Variants in RMI1 observed in about 807,000 individuals in gnomAD.
RMI1 encodes the protein RecQ mediated genome instability 1, also known as recQ-mediated genome instability protein 1.
In RMI1, 36 loss-of-function variants were observed where a neutral mutation model predicts 46.7. That is an observed-to-expected ratio of 0.77 (90% CI 0.59 to 1.02). The LOEUF is 1.02. Among genes scored for constraint, RMI1 ranks in the 50% least tolerant of loss-of-function variants. The pLI, the probability that RMI1 is intolerant of heterozygous loss-of-function variation, is 0.00. For synonymous variants in RMI1, 250 were observed against 252.9 expected, an observed-to-expected ratio of 0.99 and a Z score of 0.11; for missense variants, 676 against 713.7, an observed-to-expected ratio of 0.95 and a Z score of 0.60.
intron 1 of RMI1, among the ~76,000 whole-genome samples, chr9:83,996,200 T>C (rs1957650523): frequency 6.6e-6 from 1 of 152,204 alleles, no homozygotes; most frequent in South Asian, 2.1e-4. Context: ...CATTAGGAAT[T>C]TGGGTTTTTA....
At chr9:83,989,376 A>G (rs961881375) in intron 1 of RMI1, among the ~76,000 whole-genome samples, 5 of 152,360 alleles carry the variant, frequency 3.3e-5, no homozygotes, top group African/African-American at 1.2e-4. Context: ...AGCAAAGGAA[A>G]TAACCAACAG....
Position 84,001,627 on chromosome 9 carries a change from C to G in RMI1, c.641C>G (p.Pro214Arg), listed in dbSNP as rs774613921. The G allele has an allele frequency of 6.2e-7, 1 of 1,614,012 alleles. No individual in the cohort carries two copies. The highest frequency in any genetic ancestry group is 1.7e-5 in the Admixed American group (1 of 60,014). Residue 214 changes from proline (P) to arginine (R), a missense_variant, in exon 3 of 3, where the codon CCT (proline) becomes CGT (arginine). Physicochemically the swap from Pro to Arg is moderately radical, Grantham distance 103. Transcript: ENST00000445877. ...EKVLARLIGEPDLVVSVIPNN... is the reference protein window; with the variant it reads ...EKVLARLIGERDLVVSVIPNN... ...GTACTTGCAAGATTAATAGGGGAAC[C>G]TGATCTTGTAGTTTCAGTCATACCA...
intron 1 of RMI1, among the ~76,000 whole-genome samples, chr9:83,996,394 C>CAG (rs1303682176): frequency 1.3e-5 from 2 of 152,180 alleles, no homozygotes; most frequent in Non-Finnish European, 2.9e-5. Flanking sequence ...TGCTGGATTT[C>CAG]TGGAGCTTTG....
chr9:84,000,913 T>C lies in RMI1; in HGVS notation c.-36-38T>C. ...GAATTACAGAAGCTGTATTCAAATA[T>C]ACTGAATTATCTAAATTTTTTTGTT... On this transcript the variant is annotated intron_variant, in intron 2 of 2. Transcript: ENST00000445877. The C allele has an allele frequency of 6.7e-6, 7 of 1,049,106 alleles. 1 individual carries two copies. In the South Asian group the frequency reaches 1.1e-4, roughly 17 times the overall value. 65.0% of individuals were successfully genotyped at this position (1,049,106 alleles called of 1,614,324 possible).
rs5898840 is a variant in RMI1, at chr9:83,995,424, C to CTT, written c.-125-4270_-125-4269dup. On this transcript the variant is annotated intron_variant, in intron 1 of 2. Coordinates refer to ENST00000445877, the MANE Select transcript of RMI1 (RefSeq NM_001358291.2). Reference sequence around the variant, plus strand: ...TTCTTTTTTCCTCATTGTGTAATATCTTTTTTTTTTTTTTTTAATTGAGAC... The same window carrying CTT: ...TTCTTTTTTCCTCATTGTGTAATATCTTTTTTTTTTTTTTTTTTAATTGAGAC... Among the ~76,000 whole-genome samples the CTT allele has an allele frequency of 1.1e-3, 153 of 139,874 alleles. No individual in the cohort carries two copies. In the East Asian group the frequency reaches 0.016, roughly 15 times the overall value. 91.8% of individuals were successfully genotyped at this position (139,874 alleles called of 152,430 possible).
intron 1 of RMI1, among the ~76,000 whole-genome samples, chr9:83,991,645 A>G (rs1957575700): frequency 6.6e-6 from 1 of 152,200 alleles, no homozygotes. Flanking sequence ...GAAAACTTTT[A>G]GGAAACCAAG....
At chr9:83,990,132 C>A (rs998768270) in intron 1 of RMI1, among the ~76,000 whole-genome samples, 1 of 152,094 alleles carries the variant, frequency 6.6e-6, no homozygotes, top group Non-Finnish European at 1.5e-5. Flanking sequence ...AAGTTGATCT[C>A]GGGAAGGTAG....
chr9:83,996,651 CTATA>C (rs1293119513), intron 1 of RMI1, among the ~76,000 whole-genome samples: 1 of 152,090 alleles, frequency 6.6e-6, no homozygotes, highest in Non-Finnish European at 1.5e-5. Flanking sequence ...AGTTAGCATA[CTATA>C]TATCCTATTA....
At position 84,003,925 on chromosome 9, in the gene RMI1, T is replaced by A. The variant is rs11540578; in HGVS notation, c.*1061T>A. On this transcript the variant is annotated 3_prime_UTR_variant, in exon 3 of 3. Transcript: ENST00000445877. ...TTGGTTTTAAGTACTGATTTTTTTT[T>A]AAAAAAAAGAGGGACTGTTTACCAT... 0.045 allele frequency: 7,477 copies of A among 166,156 alleles called. 545 individuals carry two copies. The highest frequency in any genetic ancestry group is 0.16 in the African/African-American group (6,708 of 41,402). 10.3% of individuals were successfully genotyped at this position (166,156 alleles called of 1,614,324 possible). A position where few individuals can be genotyped will look rare whatever the true frequency, so the allele number is the denominator to read the frequency against.
chr9:83,986,115 CA>C (rs1957486749), intron 1 of RMI1, among the ~76,000 whole-genome samples: 1 of 152,032 alleles, frequency 6.6e-6, no homozygotes, highest in South Asian at 2.1e-4. Context: ...TTGTAATATT[CA>C]AAAAATGTAA....
In RMI1 at chr9:84,002,472, G is replaced by A. The variant is rs1196400735; in HGVS notation, c.1486G>A (p.Val496Ile). ...TTCTCCACCCTTTGTCTATTTGTCT[G>A]TTCTAATGGCCAGCAAACCAAAGGA... is the stretch of plus-strand genomic sequence containing the variant. ...LYSPPFVYLS[V>I]LMASKPKEVT... The change falls in exon 3 of 3, where the codon GTT becomes ATT. Residue 496 changes from valine to isoleucine, a missense_variant. Transcript: ENST00000445877. 13 of 1,613,770 alleles carry A rather than the reference G, an allele frequency of 8.1e-6. No homozygotes were observed. The highest frequency in any genetic ancestry group is 1.1e-5 in the Non-Finnish European group (13 of 1,179,932).
chr9:83,981,189 T>G (rs1323654180), intron 1 of RMI1, among the ~76,000 whole-genome samples: 2 of 152,160 alleles, frequency 1.3e-5, no homozygotes, highest in African/African-American at 2.4e-5. Flanking sequence ...CTGGAGAACT[T>G]CTCGCCGAGA....
intron 1 of RMI1, among the ~76,000 whole-genome samples, chr9:83,985,248 CTTT>C: frequency 6.6e-6 from 1 of 152,252 alleles, no homozygotes; most frequent in South Asian, 2.1e-4. Flanking sequence ...TACACATCAT[CTTT>C]TTATTATAAT....
At chr9:83,997,107 C>CTTTTT (rs375763717) in intron 1 of RMI1, among the ~76,000 whole-genome samples, 1 of 92,418 alleles carries the variant, frequency 1.1e-5, no homozygotes. Flanking sequence ...AACACCCCCC[C>CTTTTT]CTTTTTTTTT....
chr9:83,991,574 T>C (rs948823773), intron 1 of RMI1, among the ~76,000 whole-genome samples: 1 of 152,196 alleles, frequency 6.6e-6, no homozygotes, highest in Non-Finnish European at 1.5e-5. Context: ...CACCTTGGCC[T>C]CCCAAAGTGC....
At chr9:83,993,946 ATT>A (rs35033710) in intron 1 of RMI1, among the ~76,000 whole-genome samples, 139 of 127,150 alleles carry the variant, frequency 1.1e-3, no homozygotes, top group Middle Eastern at 3.9e-3. Context: ...TGCCCGGCTA[ATT>A]TTTTTTTTTT....
chr9:83,995,026 G>C (rs1273559856), intron 1 of RMI1, among the ~76,000 whole-genome samples: 1 of 152,118 alleles, frequency 6.6e-6, no homozygotes, highest in Non-Finnish European at 1.5e-5. Context: ...TTGAGATGAA[G>C]TCTCACTGTA....
chr9:83,981,558 T>G (rs1185539206), intron 1 of RMI1, among the ~76,000 whole-genome samples: 1 of 152,184 alleles, frequency 6.6e-6, no homozygotes, highest in Non-Finnish European at 1.5e-5. Context: ...ATAAGGTCAC[T>G]TTCAATCGGT....
chr9:83,997,651 A>T (rs925511187), intron 1 of RMI1, among the ~76,000 whole-genome samples: 3 of 152,052 alleles, frequency 2.0e-5, no homozygotes, highest in African/African-American at 7.2e-5. Context: ...AGCACTTACT[A>T]TCATGAGAGC....
Sources: allele counts gnomAD v4.1 joint callset (sites outside exome capture counted in the v4.1 genomes callset), GRCh38; gene constraint gnomAD v4.1.1; transcripts MANE v1.5; gene names NCBI Gene and HGNC (gene_info 2026-07-23, HGNC 2026-07-21).